The following IL23R variants were observed in gnomAD, a reference collection of about 807,000 sequenced individuals.
The protein encoded by IL23R is interleukin-23 receptor.
In IL23R, 34 loss-of-function variants were observed where a neutral mutation model predicts 56.9. That is an observed-to-expected ratio of 0.60 (90% CI 0.45 to 0.80). IL23R has a LOEUF of 0.80. Among genes scored for constraint, IL23R ranks in the 30% least tolerant of loss-of-function variants. The pLI is 0.00. For synonymous variants in IL23R, 230 were observed against 249.2 expected (o/e 0.92, Z 0.73); for missense variants, 635 against 730.0 (o/e 0.87, Z 1.50).
chr1:67,255,819 G>A lies in IL23R; in HGVS notation c.1149-18G>A, dbSNP rs748951463. The A allele has an allele frequency of 1.1e-5, 14 of 1,218,760 alleles. No homozygotes were observed. The East Asian group carries it at 2.6e-4, about 22-fold the overall frequency. The allele number at this position is 1,218,760 out of a possible 1,614,324, so 75.5% of individuals were successfully genotyped here. ...TATGATTGCCTGCTTCTTCTAACGT[G>A]TCATTTTTGTTTTTTAGGATTAAAA... On this transcript the variant is annotated intron_variant, in intron 9 of 10. Coordinates refer to ENST00000347310, the MANE Select transcript of IL23R (RefSeq NM_144701.3).
rs74895457 is a variant in IL23R at position 67,240,529 on chromosome 1, G to C, written c.1148+248G>C. Among the ~76,000 whole-genome samples the C allele has an allele frequency of 8.4e-3, 1,275 of 152,232 alleles. 21 individuals carry two copies. Among genetic ancestry groups the C allele is most frequent in the African/African-American group, 0.029 (1,199 of 41,534 alleles). ...CTATTTTACAGGTGACTTAAATGAGGCTTAAAGAGGCTAAGTCCTCAGCCC... is the reference window on the plus strand; with the variant it reads ...CTATTTTACAGGTGACTTAAATGAGCCTTAAAGAGGCTAAGTCCTCAGCCC... On this transcript the variant is annotated intron_variant, in intron 9 of 10. Coordinates refer to ENST00000347310, the MANE Select transcript of IL23R (RefSeq NM_144701.3).
intron 9 of IL23R, among the ~76,000 whole-genome samples, chr1:67,253,268 T>C (rs1262535653): frequency 6.6e-6 from 1 of 152,210 alleles, no homozygotes; most frequent in Admixed American, 6.6e-5. Context: ...ATGGTATTAG[T>C]AAAGATCTAT....
intron 9 of IL23R, among the ~76,000 whole-genome samples, chr1:67,249,046 A>G (rs1652440542): frequency 6.6e-6 from 1 of 152,146 alleles, no homozygotes; most frequent in South Asian, 2.1e-4. Context: ...ATGGAAATGC[A>G]GAAATAACCC....
chr1:67,162,529 C>T (rs1214353475), upstream of IL23R, among the ~76,000 whole-genome samples: 3 of 152,118 alleles, frequency 2.0e-5, no homozygotes, highest in Non-Finnish European at 2.9e-5. Context: ...TCCCATATTC[C>T]TTCGATATCC....
chr1:67,146,286 A>C (rs1336128776), intron 1 of IL23R, among the ~76,000 whole-genome samples: 1 of 152,190 alleles, frequency 6.6e-6, no homozygotes, highest in African/African-American at 2.4e-5. Context: ...AGTCTTTGCC[A>C]CTGCCACAGT....
intron 3 of IL23R, among the ~76,000 whole-genome samples, 181 bp from the exon 4 acceptor site, chr1:67,182,655 T>C (rs1003745295): frequency 7.9e-5 from 12 of 152,156 alleles, no homozygotes; most frequent in African/African-American, 2.7e-4. Flanking sequence ...GCACCCACTG[T>C]CTGATAAACC....
chr1:67,157,745 T>C (rs1046264217), intron 1 of IL23R, among the ~76,000 whole-genome samples: 1 of 152,252 alleles, frequency 6.6e-6, no homozygotes, highest in African/African-American at 2.4e-5. Flanking sequence ...ACTTGCTGTC[T>C]ACCTTTCCCA....
At chr1:67,218,950 T>A (rs952968012) in intron 6 of IL23R, among the ~76,000 whole-genome samples, 6 of 149,870 alleles carry the variant, frequency 4.0e-5, no homozygotes, top group Admixed American at 1.3e-4. Context: ...AAATAAAAAA[T>A]ATATATATAC....
At chr1:67,233,683 A>C (rs1413006461) in intron 7 of IL23R, among the ~76,000 whole-genome samples, 1 of 152,166 alleles carries the variant, frequency 6.6e-6, no homozygotes, top group Non-Finnish European at 1.5e-5. Context: ...CAGTGTGTAC[A>C]AGTTATATAA....
At chr1:67,248,066 G>A (rs745503986) in intron 9 of IL23R, among the ~76,000 whole-genome samples, 16 of 151,840 alleles carry the variant, frequency 1.1e-4, no homozygotes, top group East Asian at 5.8e-4. Context: ...TCATTTCAAC[G>A]TCGGTGTATC....
intron 6 of IL23R, 155 bp downstream of exon 6, chr1:67,207,210 C>T: frequency 1.1e-6 from 1 of 882,560 alleles, no homozygotes; most frequent in South Asian, 1.4e-5. Flanking sequence ...TTTATAATTT[C>T]AACTTTTATT....
At chr1:67,224,688 G>T (rs955095420) in intron 7 of IL23R, among the ~76,000 whole-genome samples, 2 of 152,126 alleles carry the variant, frequency 1.3e-5, no homozygotes, top group African/African-American at 4.8e-5. Context: ...CTTACTTAGA[G>T]TATTTAGACT....
intron 4 of IL23R, among the ~76,000 whole-genome samples, chr1:67,194,301 G>T (rs1570820509): frequency 6.6e-6 from 1 of 151,990 alleles, no homozygotes; most frequent in South Asian, 2.1e-4. Context: ...GGGTTGGGGG[G>T]ACTGAAAGTT....
intron 9 of IL23R, among the ~76,000 whole-genome samples, chr1:67,245,652 A>G (rs904814657): frequency 6.6e-6 from 1 of 152,216 alleles, no homozygotes; most frequent in African/African-American, 2.4e-5. Context: ...CATCCCAGGA[A>G]TAAAGCCAGC....
intron 3 of IL23R, among the ~76,000 whole-genome samples, chr1:67,172,905 T>C (rs1338925956): frequency 6.6e-6 from 1 of 152,148 alleles, no homozygotes; most frequent in Non-Finnish European, 1.5e-5. Flanking sequence ...TGGAATAAAC[T>C]TTATTGAGTG....
chr1:67,228,088 TTCTTTCTTTCTTTCTTTCTCTC>T (rs1483245702), intron 7 of IL23R, among the ~76,000 whole-genome samples: 4,255 of 87,870 alleles, frequency 0.048, 804 homozygotes, highest in Admixed American at 0.083. Flanking sequence ...TTTCTTTTCT[TTCTTTCTTTCTTTCTTTCTCTC>T]TCTTTCTTTC....
At chr1:67,170,345 G>A (rs11465785) in intron 3 of IL23R, among the ~76,000 whole-genome samples, 6,611 of 152,250 alleles carry the variant, frequency 0.043, 475 homozygotes, top group African/African-American at 0.15. Context: ...GTCTCCTACA[G>A]TCCTCTGTTC....
intron 5 of IL23R, among the ~76,000 whole-genome samples, chr1:67,204,827 G>A (rs895657232): frequency 3.3e-5 from 5 of 151,334 alleles, no homozygotes; most frequent in South Asian, 2.1e-4. Flanking sequence ...TACCCAGGCT[G>A]GAGTGCAGTG....
chr1:67,198,821 T>C (rs1167265402), intron 4 of IL23R, among the ~76,000 whole-genome samples: 1 of 152,134 alleles, frequency 6.6e-6, no homozygotes, highest in Non-Finnish European at 1.5e-5. Flanking sequence ...AGTACGTGCC[T>C]GTGGTCCCGG....
Sources: gnomAD v4.1 joint callset for allele counts (sites outside exome capture counted in the v4.1 genomes callset) on GRCh38, gnomAD v4.1.1 for gene constraint, MANE v1.5 for transcripts, NCBI Gene and HGNC (gene_info 2026-07-23, HGNC 2026-07-21) for gene names.